The following NHSL2 variants were observed in gnomAD, a reference collection of about 807,000 sequenced individuals.
NHSL2 encodes the protein NHS-like protein 2.
NHSL2 carries 27 observed loss-of-function variants against 53.4 expected under a neutral mutation model. The observed-to-expected ratio is 0.51, with a 90% CI of 0.37 to 0.70. NHSL2 has a LOEUF of 0.70. Among genes scored for constraint, NHSL2 ranks in the 30% least tolerant of loss-of-function variants. The pLI, the probability that NHSL2 is intolerant of heterozygous loss-of-function variation, is 0.00. For synonymous variants in NHSL2, 408 were observed against 404.1 expected (o/e 1.01, Z -0.12); for missense variants, 892 against 980.1 (o/e 0.91, Z 1.20).
chrX:72,044,408 A>C, intron 1 of NHSL2: 1 of 425,369 alleles, frequency 2.4e-6, no homozygotes, highest in Non-Finnish European at 4.1e-6. Flanking sequence ...ACTTACAACC[A>C]CTTCAGCATG....
chrX:72,023,307 C>T (rs2042169184), intron 1 of NHSL2, among the ~76,000 whole-genome samples: 1 of 112,691 alleles, frequency 8.9e-6, no homozygotes, highest in African/African-American at 3.2e-5. Context: ...ATGCCTAGAA[C>T]AGATAAGGAA....
At chrX:72,065,253 GAC>G (rs1197255842) in intron 1 of NHSL2, among the ~76,000 whole-genome samples, 1 of 111,740 alleles carries the variant, frequency 8.9e-6, no homozygotes, top group African/African-American at 3.3e-5. Flanking sequence ...TGAATGGGCA[GAC>G]ACTAACTGAG....
intron 1 of NHSL2, among the ~76,000 whole-genome samples, chrX:72,022,088 G>C (rs2042163056): frequency 9.0e-6 from 1 of 111,615 alleles, no homozygotes; most frequent in Admixed American, 9.4e-5. Context: ...TCTTTCCCAT[G>C]CTTCAAGAGC....
intron 1 of NHSL2, among the ~76,000 whole-genome samples, chrX:72,109,364 A>G (rs1289538419): frequency 8.9e-6 from 1 of 112,340 alleles, no homozygotes; most frequent in Admixed American, 9.4e-5. Flanking sequence ...CCAAGGTCAC[A>G]GGGCTTAGGA....
At chrX:72,017,950 G>A (rs1309487583) in intron 1 of NHSL2, among the ~76,000 whole-genome samples, 1 of 110,520 alleles carries the variant, frequency 9.0e-6, no homozygotes, top group African/African-American at 3.3e-5. Flanking sequence ...AGCCTGCTGG[G>A]GTCTCAGGTG....
intron 1 of NHSL2, among the ~76,000 whole-genome samples, chrX:72,101,492 G>A (rs775982584): frequency 2.1e-4 from 23 of 110,238 alleles, no homozygotes; most frequent in African/African-American, 5.6e-4. Context: ...TATCTCCCAC[G>A]GGACAACATG....
Position 72,144,396 on chromosome X carries a change from G to A in NHSL2, c.*822G>A, listed in dbSNP as rs1482195143. The A allele has an allele frequency of 2.1e-6, 1 of 480,652 alleles. No homozygotes were observed. Among genetic ancestry groups the A allele is most frequent in the Non-Finnish European group, 3.4e-6 (1 of 292,879 alleles). The allele number at this position is 480,652 out of a possible 1,213,427, so 39.6% of individuals were successfully genotyped here. The stretch of plus-strand genomic sequence containing the variant: ...ACAAGTGCACCTTGAGATCCTCCAT[G>A]TGTCTGTCAACAGCGATAGGCAGGA... On this transcript the variant is annotated 3_prime_UTR_variant, in exon 8 of 8. Coordinates refer to ENST00000633930, the MANE Select transcript of NHSL2 (RefSeq NM_001013627.3).
chrX:71,981,800 G>A (rs961162654), intron 1 of NHSL2, among the ~76,000 whole-genome samples: 8 of 111,856 alleles, frequency 7.2e-5, no homozygotes, highest in Non-Finnish European at 1.5e-4. Context: ...TAGATTTGTT[G>A]TAATCAAACA....
chrX:72,098,652 T>C (rs1418942753), intron 1 of NHSL2, among the ~76,000 whole-genome samples: 2 of 111,087 alleles, frequency 1.8e-5, no homozygotes, highest in Non-Finnish European at 3.8e-5. Flanking sequence ...GAAATAAAGC[T>C]ATGAATTGAA....
intron 1 of NHSL2, among the ~76,000 whole-genome samples, chrX:72,036,814 C>T (rs1234059005): frequency 9.0e-6 from 1 of 111,591 alleles, no homozygotes; most frequent in Non-Finnish European, 1.9e-5. Flanking sequence ...TTTTATTTTT[C>T]AGTTCTATAA....
At chrX:72,020,458 C>T (rs1412294225) in intron 1 of NHSL2, among the ~76,000 whole-genome samples, 1 of 113,020 alleles carries the variant, frequency 8.8e-6, no homozygotes, top group Admixed American at 9.3e-5. Flanking sequence ...GCTCAGAGGA[C>T]GTTTCAGTCT....
At chrX:72,057,138 C>T in intron 1 of NHSL2, among the ~76,000 whole-genome samples, 1 of 112,354 alleles carries the variant, frequency 8.9e-6, no homozygotes, top group Non-Finnish European at 1.9e-5. Context: ...TGCCATCAAG[C>T]CTCTTGAAAA....
chrX:72,138,189 A>G (rs1327706317), intron 5 of NHSL2, among the ~76,000 whole-genome samples: 2 of 111,910 alleles, frequency 1.8e-5, no homozygotes, highest in Non-Finnish European at 3.8e-5. Context: ...CTTCAGCTCT[A>G]AGAGGAATAA....
At chrX:71,926,019 G>A (rs911892487) in intron 1 of NHSL2, among the ~76,000 whole-genome samples, 26 of 111,697 alleles carry the variant, frequency 2.3e-4, no homozygotes, top group African/African-American at 7.8e-4. Context: ...GATTGCAAGA[G>A]ATTCAGCAGG....
intron 1 of NHSL2, among the ~76,000 whole-genome samples, chrX:72,081,432 G>A (rs1414921518): frequency 8.9e-6 from 1 of 112,046 alleles, no homozygotes; most frequent in Non-Finnish European, 1.9e-5. Context: ...TAGAGAAGAA[G>A]GGCATGTAGG....
intron 6 of NHSL2, chrX:72,140,993 T>G: frequency 2.9e-6 from 1 of 349,227 alleles, no homozygotes; most frequent in Non-Finnish European, 5.1e-6. Context: ...AGGCCCAGTT[T>G]AGGCCACTCT....
At chrX:72,068,784 C>T (rs935465693) in intron 1 of NHSL2, among the ~76,000 whole-genome samples, 4 of 111,847 alleles carry the variant, frequency 3.6e-5, no homozygotes, top group African/African-American at 9.8e-5. Flanking sequence ...AATCTCTGGG[C>T]TGCCAGCTCT....
In NHSL2 at chrX:72,098,390, C is replaced by T. The variant is rs182897618; in HGVS notation, c.281-33689C>T. On this transcript the variant is annotated intron_variant, in intron 1 of 7. Transcript: ENST00000633930. ...GGTCAGGAGACCGAGACCATCCTGG[C>T]TAACACGGTGAAACCCCGTCTCTAC... Among the ~76,000 whole-genome samples, 224 of 111,282 alleles carry T rather than the reference C, an allele frequency of 2.0e-3. 1 individual carries two copies. The highest frequency in any genetic ancestry group is 6.9e-3 in the African/African-American group (211 of 30,624).
chrX:72,144,709 C>CACACAA lies in NHSL2; in HGVS notation c.*1140_*1141insAACACA, dbSNP rs1456051221. On this transcript the variant is annotated 3_prime_UTR_variant, in exon 8 of 8. Transcript: ENST00000633930. ...CAGTTGCTATGGCCCATAATGCACA[C>CACACAA]ACACACACACACACACACACACACA... is the stretch of plus-strand genomic sequence containing the variant. 1 of 10,962 alleles carries CACACAA rather than the reference C, an allele frequency of 9.1e-5. No individual in the cohort carries two copies. Among genetic ancestry groups the CACACAA allele is most frequent in the African/African-American group, 1.2e-4 (1 of 8,110 alleles). The allele number at this position is 10,962 out of a possible 1,213,427, so 0.9% of individuals were successfully genotyped here.
Sources: gnomAD v4.1 joint callset for allele counts (sites outside exome capture counted in the v4.1 genomes callset) on GRCh38, gnomAD v4.1.1 for gene constraint, MANE v1.5 for transcripts, NCBI Gene and HGNC (gene_info 2026-07-23, HGNC 2026-07-21) for gene names.